ATAD3B: variants seen among roughly 807,000 people sequenced by gnomAD.
ATAD3B encodes the protein ATPase family AAA domain containing 3B, also known as ATPase family AAA domain-containing protein 3B.
A neutral mutation model predicts 70.2 loss-of-function variants in ATAD3B; 59 were observed. The ratio of observed to expected loss-of-function variants is 0.84; its 90% CI spans 0.68 to 1.04. ATAD3B has a LOEUF of 1.04. Among genes scored for constraint, ATAD3B ranks in the 50% least tolerant of loss-of-function variants. The pLI is 0.00. For missense variants in ATAD3B, 961 were observed against 913.4 expected (o/e 1.05, Z -0.67); for synonymous variants, 423 against 388.6 (o/e 1.09, Z -1.04).
At chr1:1,491,205 G>A (rs1250246296) in intron 15 of ATAD3B, among the ~76,000 whole-genome samples, 1 of 152,034 alleles carries the variant, frequency 6.6e-6, no homozygotes, top group Admixed American at 6.6e-5. Context: ...GGGCCGAGGA[G>A]CCGAGACTCA....
chr1:1,489,394 C>T, intron 13 of ATAD3B, 120 bp downstream of exon 13: 1 of 1,522,340 alleles, frequency 6.6e-7, no homozygotes, highest in Middle Eastern at 2.3e-4. Context: ...AGTGTGCCCA[C>T]CTCAGATGTC....
chr1:1,488,028 C>G (rs973262420), intron 12 of ATAD3B, 114 bp downstream of exon 12: 11 of 1,425,226 alleles, frequency 7.7e-6, no homozygotes, highest in South Asian at 1.2e-5. Flanking sequence ...AATCTTGGCT[C>G]GCTGCAACCT....
Position 1,489,293 on chromosome 1 carries a change from T to C in ATAD3B, c.1337+19T>C. 6.2e-7 allele frequency: 1 copy of C among 1,613,176 alleles called. No individual in the cohort carries two copies. The highest frequency in any genetic ancestry group is 8.5e-7 in the Non-Finnish European group (1 of 1,179,520). ...GCAACAAGTGAGGGAGCCCCTCGGG[T>C]CCTGAGCCCCCGGGCAGGGCTGTGC... On this transcript the variant is annotated intron_variant, in intron 13 of 15. Transcript: ENST00000673477.
At chr1:1,479,407 C>CA (rs1639778426) in intron 4 of ATAD3B, among the ~76,000 whole-genome samples, 1 of 145,802 alleles carries the variant, frequency 6.9e-6, no homozygotes, top group African/African-American at 2.6e-5. Context: ...CACACACACA[C>CA]CCCTGCACAC....
At chr1:1,487,369 TC>T (rs1305291921) in intron 11 of ATAD3B, among the ~76,000 whole-genome samples, 2 of 151,434 alleles carry the variant, frequency 1.3e-5, no homozygotes, top group African/African-American at 2.4e-5. Context: ...GCACCTGTAG[TC>T]CCAGCTACTC....
At position 1,496,540 on chromosome 1, in the gene ATAD3B, G is replaced by A. The variant is rs1297804362; in HGVS notation, c.*723G>A. ...CGCTTCTGCCCAGGCATCGTCCATG[G>A]AAGACACGCAGTCGGCCACTGCAGC... On this transcript the variant is annotated 3_prime_UTR_variant, in exon 16 of 16. Coordinates refer to ENST00000673477, the MANE Select transcript of ATAD3B (RefSeq NM_031921.6). The A allele has an allele frequency of 6.6e-6, 1 of 152,170 alleles. No individual in the cohort carries two copies. The highest frequency in any genetic ancestry group is 1.5e-5 in the Non-Finnish European group (1 of 68,236). 9.4% of individuals were successfully genotyped at this position (152,170 alleles called of 1,614,324 possible). A position where few individuals can be genotyped will look rare whatever the true frequency, so the allele number is the denominator to read the frequency against.
intron 4 of ATAD3B, among the ~76,000 whole-genome samples, chr1:1,479,612 C>T (rs1309078024): frequency 1.4e-5 from 2 of 145,572 alleles, no homozygotes; most frequent in Non-Finnish European, 3.0e-5. Context: ...ACATACACCC[C>T]CACACAGGGG....
At chr1:1,479,546 C>G (rs1389603822) in intron 4 of ATAD3B, among the ~76,000 whole-genome samples, 2 of 140,612 alleles carry the variant, frequency 1.4e-5, no homozygotes, top group South Asian at 4.7e-4. Flanking sequence ...AACACGGGCA[C>G]GCACACACAC....
intron 15 of ATAD3B, among the ~76,000 whole-genome samples, chr1:1,493,336 C>T (rs1221981887): frequency 1.3e-5 from 2 of 152,092 alleles, no homozygotes; most frequent in Admixed American, 6.6e-5. Flanking sequence ...AGGAAGCTTT[C>T]AGTTTTTCAC....
chr1:1,490,512 T>C (rs1449560733), intron 14 of ATAD3B, 51 bp from the exon 15 acceptor site: 2 of 1,611,024 alleles, frequency 1.2e-6, no homozygotes, highest in South Asian at 2.2e-5. Context: ...CTCCACCTCA[T>C]GGTGTGGGGT....
chr1:1,485,185 C>T lies in ATAD3B; in HGVS notation c.906+14C>T. On this transcript the variant is annotated intron_variant, in intron 8 of 15. Coordinates refer to ENST00000673477, the MANE Select transcript of ATAD3B (RefSeq NM_031921.6). ...CACCCCATCCAGGTAGCGGCGCAGG[C>T]CTGGCCCTCCCTGAGTGCAGTTCCT... The T allele has an allele frequency of 6.2e-6, 10 of 1,609,028 alleles. No individual in the cohort carries two copies. Among genetic ancestry groups the T allele is most frequent in the Non-Finnish European group, 8.5e-6 (10 of 1,178,950 alleles).
chr1:1,486,272 G>A lies in ATAD3B; in HGVS notation c.1089+37G>A, dbSNP rs185006588. On this transcript the variant is annotated intron_variant, in intron 10 of 15. Transcript: ENST00000673477. ...TGGCTGAACAGGTGGGCCAGGGGCC[G>A]CTGGGGTCTCACCTGCCTGCAGGTG... 43 of 1,611,784 alleles carry A rather than the reference G, an allele frequency of 2.7e-5. 1 individual carries two copies. The highest frequency in any genetic ancestry group is 1.7e-4 in the Middle Eastern group (1 of 5,754).
intron 11 of ATAD3B, 79 bp downstream of exon 11, chr1:1,486,747 C>T (rs1557808997): frequency 4.2e-5 from 62 of 1,482,744 alleles, no homozygotes; most frequent in Non-Finnish European, 5.6e-5. Flanking sequence ...GTCCAGGTGT[C>T]TCTTGGGGAC....
rs1374654034 is a variant in ATAD3B, at chr1:1,479,256, A to G, written c.444+148A>G. On this transcript the variant is annotated intron_variant, in intron 4 of 15. Coordinates refer to ENST00000673477, the MANE Select transcript of ATAD3B (RefSeq NM_031921.6). ...AGCAGGGGAAACTACTCGGACAGAC[A>G]CGCACCAGCACACGTGTACAGGCAC... 4.8e-5 allele frequency: 44 copies of G among 912,640 alleles called. 1 individual carries two copies. Among genetic ancestry groups the G allele is most frequent in the South Asian group, 1.3e-4 (8 of 61,838 alleles). The allele number at this position is 912,640 out of a possible 1,614,324, so 56.5% of individuals were successfully genotyped here.
Position 1,490,564 on chromosome 1 carries a change from C to T in ATAD3B, c.1507C>T (p.Arg503Cys), listed in dbSNP as rs1222640570. Residue 503 changes from arginine to cysteine, a missense_variant and splice_region_variant, in exon 15 of 16, where the codon CGC becomes TGC. Coordinates refer to ENST00000673477, the MANE Select transcript of ATAD3B (RefSeq NM_031921.6). ...VLKPATEGKR[R>C]LKLAQFDYGR... ...CTCACTTGGGAACTCCTTCCCCAGG[C>T]GCCTGAAGCTGGCCCAGTTTGACTA... 15 of 1,610,840 alleles carry T rather than the reference C, an allele frequency of 9.3e-6. No homozygotes were observed. The African/African-American group carries it at 9.3e-5, about 10-fold the overall frequency.
At chr1:1,478,766 G>C in intron 3 of ATAD3B, 21 bp downstream of exon 3, 1 of 1,485,176 alleles carries the variant, frequency 6.7e-7, no homozygotes, top group East Asian at 2.5e-5. Context: ...AAGAGGCCGC[G>C]AGGGAGGCCG....
Position 1,493,950 on chromosome 1 carries a change from T to C in ATAD3B, c.1615-1535T>C, listed in dbSNP as rs1220513604. 2.0e-5 allele frequency among the ~76,000 whole-genome samples: 3 copies of C among 152,074 alleles called. No homozygotes were observed. The East Asian group carries it at 5.8e-4, about 29-fold the overall frequency. On this transcript the variant is annotated intron_variant, in intron 15 of 15. Coordinates refer to ENST00000673477, the MANE Select transcript of ATAD3B (RefSeq NM_031921.6). ...TGGCTTCCTAGGATGAGTGAGGAAA[T>C]GTTCTTCAATTTGTCCAAGAGTTTG...
At chr1:1,475,002 C>T (rs964464892) in intron 1 of ATAD3B, among the ~76,000 whole-genome samples, 12 of 149,174 alleles carry the variant, frequency 8.0e-5, no homozygotes, top group African/African-American at 3.0e-4. Flanking sequence ...GAAGCTGAAT[C>T]GTAGTGATCA....
Position 1,490,622 on chromosome 1 carries a change from C to T in ATAD3B, c.1565C>T (p.Thr522Met), listed in dbSNP as rs528179369. 132 of 1,608,060 alleles carry T rather than the reference C, an allele frequency of 8.2e-5. 3 individuals are homozygous for T. In the Middle Eastern group the frequency reaches 1.2e-3, roughly 14 times the overall value. Residue 522 changes from threonine (T) to methionine (M), a missense_variant, in exon 15 of 16, where the codon ACG becomes ATG. Physicochemically the swap from Thr to Met is moderately conservative, Grantham distance 81 (BLOSUM62 -1). Coordinates refer to ENST00000673477, the MANE Select transcript of ATAD3B (RefSeq NM_031921.6). ...GRKCSEVARL[T>M]EGMSGREIAQ... The stretch of plus-strand genomic sequence containing the variant: ...AAGTGCTCGGAGGTCGCTCGGCTGA[C>T]GGAGGGCATGTCGGGCCGGGAGATC...
Sources: allele counts gnomAD v4.1 joint callset (sites outside exome capture counted in the v4.1 genomes callset), GRCh38; gene constraint gnomAD v4.1.1; transcripts MANE v1.5; gene names NCBI Gene and HGNC (gene_info 2026-07-23, HGNC 2026-07-21).